Variants in CTNNA2 observed in about 807,000 individuals in gnomAD.
CTNNA2 encodes catenin alpha 2, also known as catenin alpha-2.
CTNNA2 carries 42 observed loss-of-function variants against 101.0 expected under a neutral mutation model. The ratio of observed to expected loss-of-function variants is 0.42; its 90% CI spans 0.32 to 0.54. The LOEUF (loss-of-function observed/expected upper bound fraction) is 0.54. Among genes scored for constraint, CTNNA2 ranks in the 20% least tolerant of loss-of-function variants. CTNNA2 has a pLI of 0.14. For missense variants in CTNNA2, 871 were observed against 1,223.1 expected (o/e 0.71, Z 4.29); for synonymous variants, 450 against 456.4 (o/e 0.99, Z 0.18).
chr2:79,544,692 G>A (rs902671847), intron 1 of CTNNA2, among the ~76,000 whole-genome samples: 8 of 152,198 alleles, frequency 5.3e-5, no homozygotes, highest in Non-Finnish European at 4.4e-5. Context: ...TTTTTCATGA[G>A]ACCCAAAATG....
chr2:80,302,354 T>G lies in CTNNA2; in HGVS notation c.1057-90857T>G. 1 of 1,614,252 alleles carries G rather than the reference T, an allele frequency of 6.2e-7. No individual in the cohort carries two copies. Among genetic ancestry groups the G allele is most frequent in the Non-Finnish European group, 8.5e-7 (1 of 1,180,040 alleles). ...AATGTGGTTCGGTTTGTAATCAACG[T>G]AGTATTCCTGGGCAGACATGGCAGC... On this transcript the variant is annotated intron_variant, in intron 7 of 18. Coordinates refer to ENST00000402739, the MANE Select transcript of CTNNA2 (RefSeq NM_001282597.3). The surrounding 1 kb of genome is among the most constrained non-coding windows in gnomAD (Gnocchi z 6.4).
intron 16 of CTNNA2, chr2:80,605,422 G>T (rs1044606039): frequency 6.6e-6 from 1 of 151,916 alleles, no homozygotes; most frequent in African/African-American, 2.4e-5. Flanking sequence ...ATATTAACAT[G>T]AATTTGCTTA....
intron 3 of CTNNA2, among the ~76,000 whole-genome samples, chr2:79,323,804 TAAAGG>T (rs986203578): frequency 6.6e-6 from 1 of 152,184 alleles, no homozygotes; most frequent in Non-Finnish European, 1.5e-5. Flanking sequence ...TTCTCACTCT[TAAAGG>T]AAGATAACAG....
At chr2:79,541,418 G>GCACACA (rs140370503) in intron 1 of CTNNA2, among the ~76,000 whole-genome samples, 9 of 48,308 alleles carry the variant, frequency 1.9e-4, no homozygotes, top group African/African-American at 5.9e-4. Flanking sequence ...ATACACACAC[G>GCACACA]CACACACACA....
chr2:79,866,732 GTC>G (rs931816522), intron 4 of CTNNA2: 27 of 152,264 alleles, frequency 1.8e-4, no homozygotes, highest in African/African-American at 6.5e-4. Context: ...GCAAGTTGGT[GTC>G]TCTATTTAAT....
At position 80,629,536 on chromosome 2, in the gene CTNNA2, A is replaced by G. The variant is rs534537760; in HGVS notation, c.2574+10308A>G. Among the ~76,000 whole-genome samples the G allele has an allele frequency of 1.2e-4, 19 of 152,284 alleles. No homozygotes were observed. In the East Asian group the frequency reaches 3.3e-3, roughly 26 times the overall value. On this transcript the variant is annotated intron_variant, in intron 18 of 18. Coordinates refer to ENST00000402739, the MANE Select transcript of CTNNA2 (RefSeq NM_001282597.3). ...ATTCATGGATCACACTTTTAAAAAAACACTGGTCTAGGAAGTGGAGGAAAG... is the reference window on the plus strand; with the variant it reads ...ATTCATGGATCACACTTTTAAAAAAGCACTGGTCTAGGAAGTGGAGGAAAG...
intron 1 of CTNNA2, among the ~76,000 whole-genome samples, chr2:79,516,804 A>C (rs938371180): frequency 5.9e-5 from 9 of 152,154 alleles, no homozygotes; most frequent in Non-Finnish European, 1.0e-4. Context: ...TGAACAATAA[A>C]GATTTAATAT....
At chr2:79,190,838 G>C (rs764824501) in intron 1 of CTNNA2, among the ~76,000 whole-genome samples, 11 of 152,186 alleles carry the variant, frequency 7.2e-5, no homozygotes, top group Non-Finnish European at 1.2e-4. Context: ...TAATAAGCCA[G>C]GGGGAGCTTA....
At chr2:79,501,116 G>C (rs1321325383) in intron 4 of CTNNA2, among the ~76,000 whole-genome samples, 3 of 151,852 alleles carry the variant, frequency 2.0e-5, no homozygotes, top group Non-Finnish European at 2.9e-5. Context: ...TTTTTGTCTT[G>C]TTAATTCAGT....
chr2:80,322,919 C>A (rs768908432), intron 7 of CTNNA2, among the ~76,000 whole-genome samples: 6 of 152,188 alleles, frequency 3.9e-5, no homozygotes, highest in Non-Finnish European at 8.8e-5. Context: ...CCTTTGTAGC[C>A]CACCCCTTGC....
At chr2:79,782,366 A>T (rs1674512468) in intron 3 of CTNNA2, among the ~76,000 whole-genome samples, 1 of 152,018 alleles carries the variant, frequency 6.6e-6, no homozygotes, top group South Asian at 2.1e-4. Context: ...CCTCCCAAGT[A>T]GCTGGGATTA....
At chr2:79,597,350 T>G (rs1485995418) in intron 1 of CTNNA2, among the ~76,000 whole-genome samples, 1 of 151,514 alleles carries the variant, frequency 6.6e-6, no homozygotes, top group Non-Finnish European at 1.5e-5. Flanking sequence ...CGGGCGCCCG[T>G]AGTCCCAGCT....
At chr2:80,020,994 T>C (rs13022343) in intron 7 of CTNNA2, among the ~76,000 whole-genome samples, 4 of 70,348 alleles carry the variant, frequency 5.7e-5, no homozygotes, top group African/African-American at 3.3e-4. Context: ...ACCAATCATC[T>C]TTTTTTTTTT....
intron 7 of CTNNA2, among the ~76,000 whole-genome samples, chr2:80,065,908 A>T (rs977130718): frequency 1.2e-4 from 18 of 152,304 alleles, no homozygotes; most frequent in African/African-American, 4.1e-4. Flanking sequence ...CCTCTTTCCA[A>T]TTCCTGAAAT....
At chr2:79,798,300 G>C (rs1005857593) in intron 3 of CTNNA2, among the ~76,000 whole-genome samples, 3 of 152,076 alleles carry the variant, frequency 2.0e-5, no homozygotes, top group Admixed American at 6.5e-5. Flanking sequence ...TTGTTTGTTT[G>C]TTTCATCACT....
At chr2:79,546,827 C>G (rs1673761336) in intron 1 of CTNNA2, among the ~76,000 whole-genome samples, 1 of 152,158 alleles carries the variant, frequency 6.6e-6, no homozygotes, top group African/African-American at 2.4e-5. Flanking sequence ...CAACAGTTCT[C>G]CCTACAATAG....
At chr2:79,863,706 C>A (rs1164594452) in intron 4 of CTNNA2, among the ~76,000 whole-genome samples, 1 of 152,264 alleles carries the variant, frequency 6.6e-6, no homozygotes, top group South Asian at 2.1e-4. Context: ...AGCTGCTACC[C>A]CTGGGGCTGG....
chr2:80,308,112 C>T (rs1461927254), intron 7 of CTNNA2, among the ~76,000 whole-genome samples: 4 of 151,672 alleles, frequency 2.6e-5, no homozygotes, highest in African/African-American at 2.4e-5. Flanking sequence ...TCCTGTTTTT[C>T]GTGGTACTCT....
intron 18 of CTNNA2, among the ~76,000 whole-genome samples, chr2:80,646,134 G>A (rs1327726730): frequency 6.6e-6 from 1 of 152,088 alleles, no homozygotes; most frequent in Non-Finnish European, 1.5e-5. Flanking sequence ...AAGCTAAAGT[G>A]AATGCCAGTC....
Sources: gnomAD v4.1 joint callset for allele counts (sites outside exome capture counted in the v4.1 genomes callset) on GRCh38, gnomAD v4.1.1 for gene constraint, Gnocchi (gnomAD v3.1) non-coding constraint, MANE v1.5 for transcripts, NCBI Gene and HGNC (gene_info 2026-07-23, HGNC 2026-07-21) for gene names.